ITGB5: variants seen among roughly 807,000 people sequenced by gnomAD.
ITGB5 encodes the protein integrin beta-5.
ITGB5 carries 38 observed loss-of-function variants against 84.8 expected under a neutral mutation model. That is an observed-to-expected ratio of 0.45 (90% CI 0.35 to 0.59). ITGB5 has a LOEUF of 0.59. Among genes scored for constraint, ITGB5 ranks in the 20% least tolerant of loss-of-function variants. ITGB5 has a pLI of 0.01. For missense variants in ITGB5, 905 were observed against 1,034.5 expected, an observed-to-expected ratio of 0.87 and a Z score of 1.72; for synonymous variants, 393 against 414.4, an observed-to-expected ratio of 0.95 and a Z score of 0.63.
chr3:124,778,789 G>A (rs1260629506), intron 10 of ITGB5, among the ~76,000 whole-genome samples: 1 of 152,236 alleles, frequency 6.6e-6, no homozygotes, highest in Non-Finnish European at 1.5e-5. Flanking sequence ...AAACTCTGAA[G>A]AGATCACAGT....
At chr3:124,848,818 C>T (rs1158852247) in intron 3 of ITGB5, among the ~76,000 whole-genome samples, 1 of 151,974 alleles carries the variant, frequency 6.6e-6, no homozygotes, top group Admixed American at 6.6e-5. Context: ...GTTGCTCTGT[C>T]GCCCAGGCTG....
At chr3:124,792,919 C>T (rs1184910696) in intron 10 of ITGB5, 1 of 152,084 alleles carries the variant, frequency 6.6e-6, no homozygotes, top group East Asian at 1.9e-4. Context: ...ATTCCTGTTT[C>T]CAAAATGACC....
chr3:124,899,491 G>A (rs1429578673), intron 1 of ITGB5, among the ~76,000 whole-genome samples: 1 of 152,066 alleles, frequency 6.6e-6, no homozygotes, highest in Non-Finnish European at 1.5e-5. Flanking sequence ...ATTAGAGAAT[G>A]GAGAGCCTTC....
In ITGB5 at chr3:124,819,760, T is replaced by A. The variant is rs1350704577; in HGVS notation, c.1017A>T (p.Lys339Asn). 1 of 1,613,460 alleles carries A rather than the reference T, an allele frequency of 6.2e-7. No individual in the cohort carries two copies. The highest frequency in any genetic ancestry group is 1.7e-5 in the Admixed American group (1 of 60,024). The change falls in exon 7 of 15, where the codon AAA becomes AAT. Residue 339 changes from lysine to asparagine, a missense_variant. By Grantham distance (94) the Lys-to-Asn change is moderately conservative. Around this residue, in one of 3 missense-constraint regions of ITGB5, gnomAD observed 656 missense variants for 734.7 expected, o/e 0.89. Transcript: ENST00000296181. ...NNINLIFAVTKNHYMLYKNFT... is the reference protein window; with the variant it reads ...NNINLIFAVTNNHYMLYKNFT... Reference sequence around the variant, plus strand: ...ATACCTTGTACAGCATATAATGGTTTTTTGTCACTGCAAAGATGAGGTTGA... The same window carrying A: ...ATACCTTGTACAGCATATAATGGTTATTTGTCACTGCAAAGATGAGGTTGA...
chr3:124,792,180 G>A (rs1478383707), intron 10 of ITGB5: 3 of 152,144 alleles, frequency 2.0e-5, no homozygotes, highest in South Asian at 4.1e-4. Context: ...CACTCAAAAT[G>A]TTCTCATCAA....
At chr3:124,801,136 C>T (rs916305290) in intron 9 of ITGB5, among the ~76,000 whole-genome samples, 16 of 152,106 alleles carry the variant, frequency 1.1e-4, no homozygotes, top group Admixed American at 3.9e-4. Flanking sequence ...GAGGAGTGGA[C>T]GGGAGCGGGG....
rs1298309485 is a variant in ITGB5 at position 124,763,007 on chromosome 3, G to GTTTCT, written c.*611_*615dup. Reference sequence around the variant, plus strand: ...TTTACTTCCAATCCCAAACAATCTTGTTTCTTTTCATTATAAAAGTACTAA... The same window carrying GTTTCT: ...TTTACTTCCAATCCCAAACAATCTTGTTTCTTTTCTTTTCATTATAAAAGTACTAA... On this transcript the variant is annotated 3_prime_UTR_variant, in exon 15 of 15. Transcript: ENST00000296181. 1 of 152,222 alleles carries GTTTCT rather than the reference G, an allele frequency of 6.6e-6. No individual in the cohort carries two copies. The highest frequency in any genetic ancestry group is 1.5e-5 in the Non-Finnish European group (1 of 68,064). 9.4% of individuals were successfully genotyped at this position (152,222 alleles called of 1,614,324 possible).
intron 10 of ITGB5, among the ~76,000 whole-genome samples, chr3:124,785,748 G>C (rs761929846): frequency 5.6e-4 from 86 of 152,228 alleles, no homozygotes; most frequent in Middle Eastern, 3.4e-3. Flanking sequence ...TGGTCCATGT[G>C]TATCCTCCAG....
At chr3:124,833,797 G>A (rs571836119) in intron 5 of ITGB5, among the ~76,000 whole-genome samples, 1 of 152,246 alleles carries the variant, frequency 6.6e-6, no homozygotes, top group South Asian at 2.1e-4. Context: ...TCTGGTGCTG[G>A]GAATATAGTC....
intron 3 of ITGB5, among the ~76,000 whole-genome samples, chr3:124,854,906 G>A (rs144039317): frequency 1.3e-5 from 2 of 152,176 alleles, no homozygotes; most frequent in Non-Finnish European, 2.9e-5. Context: ...GCTGAGGCTT[G>A]TCCTTGATTA....
intron 1 of ITGB5, among the ~76,000 whole-genome samples, chr3:124,882,858 T>G (rs1438883521): frequency 6.6e-6 from 1 of 152,164 alleles, no homozygotes; most frequent in East Asian, 1.9e-4. Flanking sequence ...AGCATCAGCC[T>G]TAGGGGATGA....
At chr3:124,883,046 C>G (rs542664228) in intron 1 of ITGB5, among the ~76,000 whole-genome samples, 16 of 152,328 alleles carry the variant, frequency 1.1e-4, no homozygotes, top group African/African-American at 3.8e-4. Context: ...CCACGGCAGT[C>G]AGTTCTCCAA....
chr3:124,863,594 C>T (rs1045089192), intron 2 of ITGB5, among the ~76,000 whole-genome samples: 3 of 152,232 alleles, frequency 2.0e-5, no homozygotes, highest in Admixed American at 1.3e-4. Flanking sequence ...TCTCAGCTCA[C>T]TGCAACCTCT....
intron 3 of ITGB5, among the ~76,000 whole-genome samples, chr3:124,853,346 T>C (rs2065182255): frequency 6.6e-6 from 1 of 152,168 alleles, no homozygotes; most frequent in Admixed American, 6.5e-5. Flanking sequence ...TAAATCCAGA[T>C]CTAGAACCAA....
At chr3:124,816,207 G>A (rs967768542) in intron 8 of ITGB5, among the ~76,000 whole-genome samples, 4 of 152,200 alleles carry the variant, frequency 2.6e-5, no homozygotes, top group East Asian at 1.9e-4. Context: ...GGAACTAAGC[G>A]CAGGGCTGGC....
chr3:124,886,935 G>A lies in ITGB5; in HGVS notation c.66C>T (p.Leu22=), dbSNP rs1002392618. The change falls in exon 1 of 15, where the codon CTC becomes CTT. Residue 22 remains leucine, a synonymous_variant. Transcript: ENST00000296181. ...LLGLCALLPR[L]AGLNICTSGS... Reference sequence around the variant, plus strand: ...GCCGTGGGCGGCGCGGCTTACCTGCGAGCCGGGGCAGGAGCGCGCAGAGCC... The same window carrying A: ...GCCGTGGGCGGCGCGGCTTACCTGCAAGCCGGGGCAGGAGCGCGCAGAGCC... The A allele has an allele frequency of 7.4e-6, 9 of 1,213,042 alleles. No individual in the cohort carries two copies. In the Admixed American group the frequency reaches 1.3e-4, roughly 18 times the overall value. 75.1% of individuals were successfully genotyped at this position (1,213,042 alleles called of 1,614,324 possible).
At chr3:124,782,072 ATTAAAATCTC>A (rs1424478578) in intron 10 of ITGB5, among the ~76,000 whole-genome samples, 1 of 152,250 alleles carries the variant, frequency 6.6e-6, no homozygotes, top group African/African-American at 2.4e-5. Context: ...ATAACAAGCC[ATTAAAATCTC>A]TTAATAATAG....
Position 124,848,443 on chromosome 3 carries a change from G to A in ITGB5, c.477C>T (p.Ser159=). 6.2e-7 allele frequency: 1 copy of A among 1,614,190 alleles called. No individual in the cohort carries two copies. The highest frequency in any genetic ancestry group is 1.1e-5 in the South Asian group (1 of 91,072). The change falls in exon 4 of 15, where the codon AGC becomes AGT. Residue 159 remains serine (S), a synonymous_variant. Coordinates refer to ENST00000296181, the MANE Select transcript of ITGB5 (RefSeq NM_002213.5). ...TCTCCTCCGCGAGTTTGGTGCCCAG[G>A]CTCCGGATATTGTCCAAGTCATCCT... ...SMKDDLDNIR[S]LGTKLAEEMR...
At chr3:124,879,468 G>A (rs1934474151) in intron 1 of ITGB5, among the ~76,000 whole-genome samples, 1 of 152,194 alleles carries the variant, frequency 6.6e-6, no homozygotes, top group South Asian at 2.1e-4. Context: ...TCCCAGTATA[G>A]ACTCCAGCAA....
Sources: allele counts gnomAD v4.1 joint callset (sites outside exome capture counted in the v4.1 genomes callset), GRCh38; gene constraint gnomAD v4.1.1; regional missense constraint gnomAD v4.1.1; transcripts MANE v1.5; gene names NCBI Gene and HGNC (gene_info 2026-07-23, HGNC 2026-07-21).